The following PTPRD variants were observed in gnomAD, a reference collection of about 807,000 sequenced individuals.
PTPRD encodes receptor-type tyrosine-protein phosphatase delta.
Under a neutral mutation model 214.5 loss-of-function variants are expected in PTPRD, and 34 were observed. The observed-to-expected ratio is 0.16, with a 90% CI of 0.12 to 0.21. The LOEUF (loss-of-function observed/expected upper bound fraction) is 0.21, where lower values mean the gene tolerates loss of function less well. PTPRD is among the 10% of genes least tolerant of loss of function. The probability of loss-of-function intolerance (pLI) is 1.00; values close to 1 mark genes in which losing one functional copy is unlikely to be tolerated. For synonymous variants in PTPRD, 1,128 were observed against 845.7 expected (o/e 1.33, Z -5.79); for missense variants, 2,545 against 2,398.7 (o/e 1.06, Z -1.27).
chr9:8,988,065 G>A (rs2099352529), intron 11 of PTPRD, among the ~76,000 whole-genome samples: 1 of 151,912 alleles, frequency 6.6e-6, no homozygotes. Flanking sequence ...GAGAGAGAGA[G>A]ATTAGAAATG....
chr9:9,942,182 T>C (rs973950537), intron 4 of PTPRD, among the ~76,000 whole-genome samples: 3 of 152,092 alleles, frequency 2.0e-5, no homozygotes, highest in African/African-American at 7.2e-5. Flanking sequence ...TTGCAAAATT[T>C]CCTTCTGGAA....
At position 10,336,684 on chromosome 9, in the gene PTPRD, T is replaced by TA. The variant is rs1165083916; in HGVS notation, c.-545+4278dup. Reference sequence around the variant, plus strand: ...GAAGGTTGAAAATAAAAAGAATGAATAAAAAAAATCGAGGAGGGGAGACAA... The same window carrying TA: ...GAAGGTTGAAAATAAAAAGAATGAATAAAAAAAAATCGAGGAGGGGAGACAA... On this transcript the variant is annotated intron_variant, in intron 3 of 45. Coordinates refer to ENST00000381196, the MANE Select transcript of PTPRD (RefSeq NM_002839.4). Among the ~76,000 whole-genome samples the TA allele has an allele frequency of 5.3e-5, 8 of 150,044 alleles. No individual in the cohort carries two copies. The East Asian group carries it at 7.9e-4, about 15-fold the overall frequency.
At chr9:8,900,198 T>C (rs1168296440) in intron 11 of PTPRD, among the ~76,000 whole-genome samples, 1 of 152,180 alleles carries the variant, frequency 6.6e-6, no homozygotes, top group African/African-American at 2.4e-5. Flanking sequence ...TCAAAGGTAT[T>C]ACCTTGGTGA....
At chr9:9,094,963 A>C (rs530296793) in intron 10 of PTPRD, among the ~76,000 whole-genome samples, 11 of 152,264 alleles carry the variant, frequency 7.2e-5, no homozygotes, top group African/African-American at 2.6e-4. Context: ...AAATAGACAA[A>C]AGTGATAATA....
At chr9:8,509,707 T>G (rs904864095) in intron 21 of PTPRD, among the ~76,000 whole-genome samples, 3 of 152,242 alleles carry the variant, frequency 2.0e-5, no homozygotes, top group African/African-American at 7.2e-5. Context: ...AAATTCCCGG[T>G]TGGTCTCAAT....
intron 14 of PTPRD, among the ~76,000 whole-genome samples, chr9:8,630,580 A>C (rs944364114): frequency 6.6e-5 from 10 of 151,826 alleles, no homozygotes; most frequent in Non-Finnish European, 1.2e-4. Context: ...AATTTTTCTC[A>C]TGAAAGTTCT....
At position 9,034,694 on chromosome 9, in the gene PTPRD, C is replaced by G. The variant is rs76756890; in HGVS notation, c.-142-15959G>C. 1.9e-3 allele frequency among the ~76,000 whole-genome samples: 285 copies of G among 152,190 alleles called. 3 individuals carry two copies. The East Asian group carries it at 0.036, about 19-fold the overall frequency. ...AGATTCACCCGTGTTCACATCACAG[C>G]TCCCCATTTACTAGCTCTGTGTCCA... On this transcript the variant is annotated intron_variant, in intron 10 of 45. Transcript: ENST00000381196.
At chr9:9,900,294 G>A (rs982402742) in intron 5 of PTPRD, among the ~76,000 whole-genome samples, 3 of 152,146 alleles carry the variant, frequency 2.0e-5, no homozygotes, top group Admixed American at 6.6e-5. Context: ...GCCACATACT[G>A]CATGCTTTGC....
intron 8 of PTPRD, among the ~76,000 whole-genome samples, chr9:9,505,277 T>A (rs189600398): frequency 6.6e-6 from 1 of 151,748 alleles, no homozygotes; most frequent in Non-Finnish European, 1.5e-5. Context: ...CAGCAGTAGA[T>A]CCATTTTTTT....
At chr9:8,755,832 A>T (rs1394082574) in intron 11 of PTPRD, among the ~76,000 whole-genome samples, 1 of 152,198 alleles carries the variant, frequency 6.6e-6, no homozygotes, top group East Asian at 1.9e-4. Flanking sequence ...CAGAAGGGAG[A>T]ACAGTAAATG....
intron 9 of PTPRD, among the ~76,000 whole-genome samples, chr9:9,363,211 G>T (rs1440722425): frequency 6.7e-6 from 1 of 149,236 alleles, no homozygotes; most frequent in Non-Finnish European, 1.5e-5. Flanking sequence ...TCAAAATAGG[G>T]AATGATAAGG....
chr9:8,589,094 A>G (rs1191488013), intron 14 of PTPRD, among the ~76,000 whole-genome samples: 3 of 152,238 alleles, frequency 2.0e-5, no homozygotes, highest in African/African-American at 7.2e-5. Context: ...ATAAGTATAT[A>G]CCATCAACAT....
intron 35 of PTPRD, among the ~76,000 whole-genome samples, chr9:8,435,703 A>AC (rs1279716113): frequency 3.4e-5 from 3 of 87,102 alleles, no homozygotes; most frequent in South Asian, 3.3e-4. Flanking sequence ...ATCCAAATAC[A>AC]CACACACACA....
intron 11 of PTPRD, among the ~76,000 whole-genome samples, chr9:8,840,202 G>A (rs1476242583): frequency 6.6e-6 from 1 of 152,286 alleles, no homozygotes; most frequent in Admixed American, 6.5e-5. Flanking sequence ...GTTTGGCTAT[G>A]TCCCCACCCA....
rs1055972972 is a variant in PTPRD at position 10,601,932 on chromosome 9, G to A, written c.-600+10466C>T. 5.9e-5 allele frequency among the ~76,000 whole-genome samples: 9 copies of A among 151,702 alleles called. No homozygotes were observed. In the East Asian group the frequency reaches 1.7e-3, roughly 29 times the overall value. ...AATCAGAAGACCTTAGGGAAGAAAG[G>A]AGCTGTCTCATAGGGGAAAAGATAA... On this transcript the variant is annotated intron_variant, in intron 2 of 45. Transcript: ENST00000381196.
chr9:8,514,569 G>A (rs2097751367), intron 21 of PTPRD, among the ~76,000 whole-genome samples: 1 of 143,276 alleles, frequency 7.0e-6, no homozygotes, highest in Non-Finnish European at 1.5e-5. Context: ...ATGTACTTCT[G>A]CACTGGAATA....
At chr9:10,106,808 C>T (rs2098637808) in intron 3 of PTPRD, among the ~76,000 whole-genome samples, 1 of 151,788 alleles carries the variant, frequency 6.6e-6, no homozygotes, top group African/African-American at 2.4e-5. Flanking sequence ...TTAAGGTCAG[C>T]TTAAATATGT....
At chr9:9,820,272 C>T (rs576123458) in intron 5 of PTPRD, among the ~76,000 whole-genome samples, 8 of 151,768 alleles carry the variant, frequency 5.3e-5, no homozygotes, top group Non-Finnish European at 8.8e-5. Flanking sequence ...GTTTGTTTAC[C>T]GCTCATATGT....
Position 8,575,191 on chromosome 9 carries a change from G to C in PTPRD, c.353-46412C>G, listed in dbSNP as rs114774028. Among the ~76,000 whole-genome samples the C allele has an allele frequency of 3.1e-3, 473 of 152,170 alleles. 2 individuals are homozygous for C. The highest frequency in any genetic ancestry group is 9.3e-3 in the African/African-American group (387 of 41,538). On this transcript the variant is annotated intron_variant, in intron 14 of 45. Coordinates refer to ENST00000381196, the MANE Select transcript of PTPRD (RefSeq NM_002839.4). Reference sequence around the variant, plus strand: ...TTGGTGATTATATATCATTTACCAAGAGTAAGCTAAATTGTTCCTGAAATT... The same window carrying C: ...TTGGTGATTATATATCATTTACCAACAGTAAGCTAAATTGTTCCTGAAATT...
Sources: allele counts gnomAD v4.1 joint callset (sites outside exome capture counted in the v4.1 genomes callset), GRCh38; gene constraint gnomAD v4.1.1; transcripts MANE v1.5; gene names NCBI Gene and HGNC (gene_info 2026-07-23, HGNC 2026-07-21).